AGBL1: variants seen among roughly 807,000 people sequenced by gnomAD.
AGBL1 encodes cytosolic carboxypeptidase 4.
In AGBL1, 130 loss-of-function variants were observed where a neutral mutation model predicts 118.9. The ratio of observed to expected loss-of-function variants is 1.09; its 90% CI spans 0.95 to 1.26. AGBL1 has a LOEUF of 1.26. AGBL1 is among the 50% of genes most tolerant of loss of function. The probability of loss-of-function intolerance (pLI) is 0.00; values close to 1 mark genes in which losing one functional copy is unlikely to be tolerated. For missense variants in AGBL1, 1,584 were observed against 1,298.1 expected, an observed-to-expected ratio of 1.22 and a Z score of -3.38; for synonymous variants, 555 against 478.9, an observed-to-expected ratio of 1.16 and a Z score of -2.08.
At chr15:86,938,137 G>A (rs1211254655) in intron 23 of AGBL1, among the ~76,000 whole-genome samples, 1 of 152,160 alleles carries the variant, frequency 6.6e-6, no homozygotes, top group African/African-American at 2.4e-5. Flanking sequence ...GATAAGTGTG[G>A]TCCCTAATTT....
chr15:86,468,125 C>T (rs2142097105), intron 18 of AGBL1, among the ~76,000 whole-genome samples: 1 of 152,208 alleles, frequency 6.6e-6, no homozygotes, highest in South Asian at 2.1e-4. Context: ...AGATAGGGAA[C>T]TTCCTACCTG....
chr15:86,804,245 G>A (rs1408030981), intron 22 of AGBL1, among the ~76,000 whole-genome samples: 1 of 152,150 alleles, frequency 6.6e-6, no homozygotes, highest in Admixed American at 6.6e-5. Flanking sequence ...ACTTCCATCT[G>A]TTAAGTGCAT....
chr15:86,584,599 T>A (rs977281734), intron 21 of AGBL1, among the ~76,000 whole-genome samples: 2 of 152,180 alleles, frequency 1.3e-5, no homozygotes, highest in African/African-American at 4.8e-5. Flanking sequence ...CAGTACAGTA[T>A]GAAGTCTGAT....
At chr15:86,201,569 C>T (rs943739953) in intron 5 of AGBL1, among the ~76,000 whole-genome samples, 1 of 152,126 alleles carries the variant, frequency 6.6e-6, no homozygotes, top group Non-Finnish European at 1.5e-5. Context: ...AACACAGAGT[C>T]TATGATGTTG....
intron 1 of AGBL1, among the ~76,000 whole-genome samples, chr15:86,134,739 G>A (rs923831866): frequency 2.0e-5 from 3 of 149,318 alleles, no homozygotes; most frequent in East Asian, 4.0e-4. Context: ...TCAGCCTCCC[G>A]AGTAGCTAGG....
At chr15:86,218,887 C>G (rs2078233533) in intron 5 of AGBL1, among the ~76,000 whole-genome samples, 1 of 152,228 alleles carries the variant, frequency 6.6e-6, no homozygotes, top group South Asian at 2.1e-4. Flanking sequence ...TCAGCCCTGG[C>G]TGATGCCTTG....
intron 18 of AGBL1, among the ~76,000 whole-genome samples, chr15:86,430,404 A>C (rs2081920964): frequency 6.6e-6 from 1 of 151,752 alleles, no homozygotes; most frequent in Non-Finnish European, 1.5e-5. Context: ...CTGAGGCAGT[A>C]GAATGGCGTG....
chr15:86,156,707 G>A (rs1040747065), intron 4 of AGBL1, among the ~76,000 whole-genome samples: 1 of 151,820 alleles, frequency 6.6e-6, no homozygotes, highest in East Asian at 1.9e-4. Flanking sequence ...GATATGGGGA[G>A]TTAATAGGTG....
At chr15:86,403,961 GA>G (rs1480082744) in intron 18 of AGBL1, among the ~76,000 whole-genome samples, 2 of 152,158 alleles carry the variant, frequency 1.3e-5, no homozygotes, top group Non-Finnish European at 2.9e-5. Flanking sequence ...ACTGGCATAA[GA>G]AATTGTCTAG....
rs2078895159 is a variant in AGBL1, at chr15:86,256,373, A to C, written c.736-480A>C. ...GTCTTTCCTTCTGATTTCATATTTT[A>C]TCTTTTTTAAAAAATATTTTTCTCC... is the stretch of plus-strand genomic sequence containing the variant. On this transcript the variant is annotated intron_variant, in intron 7 of 22. Transcript: ENST00000614907. Among the ~76,000 whole-genome samples the C allele has an allele frequency of 2.6e-5, 4 of 152,308 alleles. No individual in the cohort carries two copies. The South Asian group carries it at 8.3e-4, about 32-fold the overall frequency.
At chr15:86,212,071 T>A (rs1156712455) in intron 5 of AGBL1, among the ~76,000 whole-genome samples, 1 of 152,264 alleles carries the variant, frequency 6.6e-6, no homozygotes, top group Non-Finnish European at 1.5e-5. Context: ...CTATGTGGTT[T>A]CTAGAAGTAG....
chr15:86,322,321 A>G (rs931821035), intron 17 of AGBL1, among the ~76,000 whole-genome samples: 2 of 151,630 alleles, frequency 1.3e-5, no homozygotes, highest in Non-Finnish European at 2.9e-5. Context: ...ACCTATTTTG[A>G]GACTATGATG....
At chr15:86,110,097 C>T (rs1269799927) in intron 1 of AGBL1, among the ~76,000 whole-genome samples, 1 of 152,202 alleles carries the variant, frequency 6.6e-6, no homozygotes, top group Non-Finnish European at 1.5e-5. Context: ...TTGAAAGAAT[C>T]CCATGCAAGT....
intron 5 of AGBL1, among the ~76,000 whole-genome samples, chr15:86,166,786 G>A (rs1160933108): frequency 3.9e-5 from 6 of 152,148 alleles, no homozygotes; most frequent in Admixed American, 1.3e-4. Context: ...TGTTGATATT[G>A]GATGGATCAA....
chr15:86,581,251 G>A (rs1009544439), intron 21 of AGBL1, among the ~76,000 whole-genome samples: 5 of 151,994 alleles, frequency 3.3e-5, no homozygotes, highest in Admixed American at 6.6e-5. Context: ...TTAATGGAGA[G>A]GCAAAAGAAA....
intron 22 of AGBL1, among the ~76,000 whole-genome samples, chr15:86,827,538 T>C (rs2079046007): frequency 9.3e-6 from 1 of 107,384 alleles, no homozygotes; most frequent in South Asian, 3.1e-4. Flanking sequence ...GGTTATTTGG[T>C]TATTTTCCTG....
At position 86,733,846 on chromosome 15, in the gene AGBL1, G is replaced by T. The variant is rs2077559148; in HGVS notation, c.3158+59410G>T. On this transcript the variant is annotated intron_variant, in intron 22 of 22. Transcript: ENST00000614907. ...TTTATCCTTTATGGGAACTTCTTTG[G>T]GAAGGGTAAAGTCCCTTTGCATGGG... Among the ~76,000 whole-genome samples, 4 of 152,088 alleles carry T rather than the reference G, an allele frequency of 2.6e-5. 1 individual carries two copies. Among genetic ancestry groups the T allele is most frequent in the Admixed American group, 2.6e-4 (4 of 15,272 alleles).
chr15:86,797,249 C>A (rs2078586018), intron 22 of AGBL1, among the ~76,000 whole-genome samples: 1 of 152,216 alleles, frequency 6.6e-6, no homozygotes, highest in African/African-American at 2.4e-5. Flanking sequence ...CTCAGTTAAA[C>A]TGACATTTTG....
At chr15:86,897,293 G>A (rs28625488) in intron 22 of AGBL1, among the ~76,000 whole-genome samples, 19,035 of 152,168 alleles carry the variant, frequency 0.13, 2,060 homozygotes, top group African/African-American at 0.3. Flanking sequence ...GGATTGAATG[G>A]ATGATTGAAT....
Sources: allele counts gnomAD v4.1 joint callset (sites outside exome capture counted in the v4.1 genomes callset), GRCh38; gene constraint gnomAD v4.1.1; transcripts MANE v1.5; gene names NCBI Gene and HGNC (gene_info 2026-07-23, HGNC 2026-07-21).